Variants in SLC23A2 observed in about 807,000 individuals in gnomAD.
SLC23A2 encodes solute carrier family 23 member 2.
Under a neutral mutation model 73.3 loss-of-function variants are expected in SLC23A2, and 36 were observed. The observed-to-expected ratio is 0.49, with a 90% confidence interval of 0.38 to 0.65. The LOEUF is 0.65. Among genes scored for constraint, SLC23A2 ranks in the 30% least tolerant of loss-of-function variants. The probability of loss-of-function intolerance (pLI) is 0.00; values close to 1 mark genes in which losing one functional copy is unlikely to be tolerated. For missense variants in SLC23A2, 507 were observed against 841.6 expected (o/e 0.60, Z 4.92); for synonymous variants, 343 against 327.3 (o/e 1.05, Z -0.52).
intron 1 of SLC23A2, among the ~76,000 whole-genome samples, chr20:4,993,402 C>T (rs2087962412): frequency 7.6e-6 from 1 of 131,394 alleles, no homozygotes; most frequent in African/African-American, 2.9e-5. Flanking sequence ...GCAAATATGC[C>T]AAAATCCGAA....
upstream of SLC23A2, among the ~76,000 whole-genome samples, chr20:5,005,663 AATTGATGAC>A (rs2088182457): frequency 6.6e-6 from 1 of 152,136 alleles, no homozygotes; most frequent in South Asian, 2.1e-4. Context: ...CAAGAGGTAA[AATTGATGAC>A]ATTATATAGG....
intron 1 of SLC23A2, among the ~76,000 whole-genome samples, chr20:4,976,533 G>T (rs904293195): frequency 1.3e-5 from 2 of 151,814 alleles, no homozygotes; most frequent in African/African-American, 4.8e-5. Context: ...AAAATTAGCT[G>T]GGCGTGGTGG....
chr20:4,956,187 G>T (rs1778357207), intron 2 of SLC23A2, among the ~76,000 whole-genome samples: 1 of 152,062 alleles, frequency 6.6e-6, no homozygotes, highest in Admixed American at 6.5e-5. Flanking sequence ...TCTAAAATGT[G>T]TTTTTCTTTT....
chr20:4,899,758 CATTT>C lies in SLC23A2; in HGVS notation c.325-50_325-47del, dbSNP rs775370774. ...AGAGGAGAAACAGTAAACCCTTCCT[CATTT>C]ATTCTTGATTTCATCCTAATTCTTC... On this transcript the variant is annotated intron_variant, in intron 5 of 16. Coordinates refer to ENST00000338244, the MANE Select transcript of SLC23A2 (RefSeq NM_005116.6). This position sits in a 1 kb window ranked among gnomAD's most constrained non-coding sequence, Gnocchi z 4.9. 1.9e-6 allele frequency: 3 copies of C among 1,570,778 alleles called. No individual in the cohort carries two copies. Among genetic ancestry groups the C allele is most frequent in the East Asian group, 4.5e-5 (2 of 44,360 alleles).
chr20:4,957,166 T>C lies in SLC23A2; in HGVS notation c.-155+13627A>G, dbSNP rs553046077. 5.9e-5 allele frequency among the ~76,000 whole-genome samples: 9 copies of C among 152,108 alleles called. No individual in the cohort carries two copies. The East Asian group carries it at 1.7e-3, about 29-fold the overall frequency. On this transcript the variant is annotated intron_variant, in intron 2 of 16. Coordinates refer to ENST00000338244, the MANE Select transcript of SLC23A2 (RefSeq NM_005116.6). ...TTGGACTATGTAAAAGAATCAATAC[T>C]CTAAGAAGCCAAGCATAGTGGCTTA...
At chr20:4,938,870 C>A (rs1283632393) in intron 2 of SLC23A2, among the ~76,000 whole-genome samples, 1 of 152,086 alleles carries the variant, frequency 6.6e-6, no homozygotes, top group Non-Finnish European at 1.5e-5. Context: ...AAAATAAGCC[C>A]CCTTCATCTC....
chr20:4,969,956 C>T (rs1345267742), intron 2 of SLC23A2, among the ~76,000 whole-genome samples: 2 of 151,922 alleles, frequency 1.3e-5, no homozygotes, highest in South Asian at 4.2e-4. Flanking sequence ...GTTCATCAAG[C>T]TTTGGGGATA....
chr20:4,969,236 C>T (rs1471804774), intron 2 of SLC23A2, among the ~76,000 whole-genome samples: 3 of 151,898 alleles, frequency 2.0e-5, no homozygotes, highest in Non-Finnish European at 4.4e-5. Flanking sequence ...TACAGGTATG[C>T]GCCACCATGC....
chr20:4,897,998 G>C (rs1931609374), intron 6 of SLC23A2, among the ~76,000 whole-genome samples: 1 of 152,210 alleles, frequency 6.6e-6, no homozygotes, highest in African/African-American at 2.4e-5. Context: ...TAAGGATCCT[G>C]AGTGAGCCAA....
At chr20:4,946,356 T>C (rs17340965) in intron 2 of SLC23A2, among the ~76,000 whole-genome samples, 3,583 of 152,228 alleles carry the variant, frequency 0.024, 67 homozygotes, top group Non-Finnish European at 0.033. Context: ...GCAAACACTG[T>C]ACTAGTTAGA....
In SLC23A2 at chr20:4,857,023, C is replaced by T; in HGVS notation, c.1902G>A (p.Arg634=). 4 of 1,614,216 alleles carry T rather than the reference C, an allele frequency of 2.5e-6. No homozygotes were observed. Among genetic ancestry groups the T allele is most frequent in the Middle Eastern group, 1.7e-4 (1 of 6,058 alleles). ...TFVGYTWKGL[R]KSDNSRSSDE... ...CTGAACTCCGGCTGTTGTCGCTCTT[C>T]CTGAGGCCTTTCCATGTGTAGCCCA... The change falls in exon 17 of 17, where the codon AGG becomes AGA. Residue 634 remains arginine (R), a synonymous_variant. Transcript: ENST00000338244. The surrounding 1 kb of genome is among the most constrained non-coding windows in gnomAD (Gnocchi z 4.0).
intron 4 of SLC23A2, among the ~76,000 whole-genome samples, chr20:4,908,564 A>T (rs1932035412): frequency 1.3e-5 from 2 of 152,260 alleles, no homozygotes; most frequent in African/African-American, 4.8e-5. Context: ...TAAATATTTT[A>T]AAATTGGGAT....
rs967506330 is a variant in SLC23A2 at position 4,951,606 on chromosome 20, T to C, written c.-154-18890A>G. On this transcript the variant is annotated intron_variant, in intron 2 of 16. Coordinates refer to ENST00000338244, the MANE Select transcript of SLC23A2 (RefSeq NM_005116.6). ...AATCCAGAGGCAGAAAGTTCATCGA[T>C]GATTGCCTGGGGCTGGGGTGGGGAT... Among the ~76,000 whole-genome samples the C allele has an allele frequency of 2.0e-5, 3 of 152,058 alleles. No individual in the cohort carries two copies. In the East Asian group the frequency reaches 5.8e-4, roughly 29 times the overall value.
At chr20:4,894,277 G>T (rs1237723488) in intron 6 of SLC23A2, among the ~76,000 whole-genome samples, 1 of 152,138 alleles carries the variant, frequency 6.6e-6, no homozygotes, top group Non-Finnish European at 1.5e-5. Context: ...GGAATGCCAT[G>T]AGGAAGGGCC....
At chr20:4,875,122 A>G (rs1324694175) in intron 9 of SLC23A2, among the ~76,000 whole-genome samples, 6 of 152,230 alleles carry the variant, frequency 3.9e-5, no homozygotes, top group Admixed American at 3.9e-4. Flanking sequence ...ACGTACACAC[A>G]AACAGGTAAG....
rs398035250 is a variant in SLC23A2 at position 4,857,283 on chromosome 20, TACACACACACACACACACACACACACAC to T, written c.1721-107_1721-80del. ...GAAAATGAAACTGTCGTCAAACACA[TACACACACACACACACACACACACACAC>T]ACACACACACACACACACACACACA... On this transcript the variant is annotated intron_variant, in intron 16 of 16. Coordinates refer to ENST00000338244, the MANE Select transcript of SLC23A2 (RefSeq NM_005116.6). This position sits in a 1 kb window ranked among gnomAD's most constrained non-coding sequence, Gnocchi z 4.0. The T allele has an allele frequency of 1.7e-4, 70 of 421,082 alleles. 1 individual carries two copies. Among genetic ancestry groups the T allele is most frequent in the South Asian group, 6.9e-4 (23 of 33,554 alleles). The allele number at this position is 421,082 out of a possible 1,614,324, so 26.1% of individuals were successfully genotyped here. A position where few individuals can be genotyped will look rare whatever the true frequency, so the allele number is the denominator to read the frequency against.
At chr20:4,876,241 G>A (rs910214290) in intron 9 of SLC23A2, among the ~76,000 whole-genome samples, 1 of 152,174 alleles carries the variant, frequency 6.6e-6, no homozygotes, top group Non-Finnish European at 1.5e-5. Context: ...GTGAATATTA[G>A]GAGATCCAAA....
intron 1 of SLC23A2, among the ~76,000 whole-genome samples, chr20:4,997,824 C>CA (rs1398579131): frequency 2.7e-5 from 4 of 146,720 alleles, no homozygotes; most frequent in African/African-American, 9.9e-5. Context: ...TTTGTAGAGA[C>CA]AGAGTCTTAT....
At chr20:4,877,865 G>A (rs1930720050) in intron 9 of SLC23A2, among the ~76,000 whole-genome samples, 1 of 152,336 alleles carries the variant, frequency 6.6e-6, no homozygotes, top group South Asian at 2.1e-4. Context: ...GTGCCAGAAA[G>A]AGCAGTCACT....
Sources: gnomAD v4.1 joint callset for allele counts (sites outside exome capture counted in the v4.1 genomes callset) on GRCh38, gnomAD v4.1.1 for gene constraint, Gnocchi (gnomAD v3.1) non-coding constraint, MANE v1.5 for transcripts, NCBI Gene and HGNC (gene_info 2026-07-23, HGNC 2026-07-21) for gene names.